The following SLIT3 variants were observed in gnomAD, a reference collection of about 807,000 sequenced individuals.
SLIT3 encodes slit homolog 3 protein.
Under a neutral mutation model 184.0 loss-of-function variants are expected in SLIT3, and 68 were observed. The observed-to-expected ratio is 0.37, with a 90% confidence interval of 0.30 to 0.45. SLIT3 has a LOEUF of 0.45. SLIT3 is among the 20% of genes least tolerant of loss of function. The pLI is 1.00. For synonymous variants in SLIT3, 831 were observed against 828.6 expected, an observed-to-expected ratio of 1.00 and a Z score of -0.05; for missense variants, 1,707 against 2,026.0, an observed-to-expected ratio of 0.84 and a Z score of 3.02.
At chr5:168,871,032 A>G (rs562216509) in intron 5 of SLIT3, among the ~76,000 whole-genome samples, 2 of 152,188 alleles carry the variant, frequency 1.3e-5, no homozygotes, top group Non-Finnish European at 2.9e-5. Context: ...AGAATGCTGG[A>G]GGTCAGAAGT....
intron 9 of SLIT3, among the ~76,000 whole-genome samples, chr5:168,798,223 CTTT>C (rs747746239): frequency 1.8e-5 from 2 of 109,056 alleles, no homozygotes; most frequent in Non-Finnish European, 1.7e-5. Flanking sequence ...TCTTCTTCTT[CTTT>C]TTTTTTTTTT....
chr5:168,916,691 T>C (rs948249262), intron 4 of SLIT3, among the ~76,000 whole-genome samples: 1 of 152,230 alleles, frequency 6.6e-6, no homozygotes, highest in Admixed American at 6.5e-5. Flanking sequence ...CCTTTCAAGA[T>C]AAAAACACTA....
intron 4 of SLIT3, among the ~76,000 whole-genome samples, chr5:169,010,252 C>A (rs60010932): frequency 6.6e-6 from 1 of 152,260 alleles, no homozygotes; most frequent in African/African-American, 2.4e-5. Flanking sequence ...GAGTTGCTAG[C>A]CCTAACAATG....
chr5:168,863,044 A>T (rs2113752101), intron 5 of SLIT3, among the ~76,000 whole-genome samples: 1 of 152,308 alleles, frequency 6.6e-6, no homozygotes, highest in African/African-American at 2.4e-5. Context: ...GCAGACGGAG[A>T]CGAATGCCAT....
intron 4 of SLIT3, among the ~76,000 whole-genome samples, chr5:169,091,957 C>T (rs933175856): frequency 1.3e-4 from 20 of 152,126 alleles, no homozygotes; most frequent in Admixed American, 1.0e-3. Flanking sequence ...TGCGGTGGCT[C>T]GTGCCTGTAA....
intron 2 of SLIT3, among the ~76,000 whole-genome samples, chr5:169,248,673 C>A (rs759898968): frequency 2.0e-5 from 3 of 152,160 alleles, no homozygotes; most frequent in Non-Finnish European, 4.4e-5. Context: ...AAATCGCCCC[C>A]CATGTGATGA....
intron 1 of SLIT3, among the ~76,000 whole-genome samples, chr5:169,293,202 A>G (rs116202444): frequency 0.016 from 2,367 of 152,326 alleles, 35 homozygotes; most frequent in East Asian, 0.069. Context: ...AAAAGATTAT[A>G]CATGCTCTGG....
At chr5:169,281,834 T>C (rs976337697) in intron 1 of SLIT3, among the ~76,000 whole-genome samples, 4 of 151,758 alleles carry the variant, frequency 2.6e-5, no homozygotes, top group African/African-American at 9.7e-5. Context: ...CATACTTCAT[T>C]GACATTGGGC....
intron 1 of SLIT3, among the ~76,000 whole-genome samples, chr5:169,290,051 C>T (rs73805065): frequency 0.018 from 2,577 of 143,684 alleles, 68 homozygotes; most frequent in African/African-American, 0.059. Context: ...GGGCATACGC[C>T]AGGGCACACA....
chr5:168,671,408 A>T lies in SLIT3; in HGVS notation c.3917T>A (p.Ile1306Asn). 6.2e-7 allele frequency: 1 copy of T among 1,614,010 alleles called. No homozygotes were observed. Among genetic ancestry groups the T allele is most frequent in the Non-Finnish European group, 8.5e-7 (1 of 1,179,982 alleles). ...CTCGTTGTTGATGCGCACCTCATGGATGCATCCGTGGAAGCCGCCTAGAGG... is the reference window on the plus strand; with the variant it reads ...CTCGTTGTTGATGCGCACCTCATGGTTGCATCCGTGGAAGCCGCCTAGAGG... ...DRPLGGFHGC[I>N]HEVRINNELQ... The change falls in exon 34 of 36, where the codon ATC becomes AAC. Residue 1306 changes from isoleucine to asparagine, a missense_variant. Around this residue, in one of 3 missense-constraint regions of SLIT3, gnomAD observed 387 missense variants for 477.9 expected, o/e 0.81. Coordinates refer to ENST00000519560, the MANE Select transcript of SLIT3 (RefSeq NM_003062.4).
intron 4 of SLIT3, among the ~76,000 whole-genome samples, chr5:169,109,800 T>G (rs944879068): frequency 6.6e-6 from 1 of 152,180 alleles, no homozygotes; most frequent in African/African-American, 2.4e-5. Flanking sequence ...GTTTCCATAT[T>G]GACTTCACTC....
At chr5:169,225,159 G>A (rs1764761618) in intron 3 of SLIT3, among the ~76,000 whole-genome samples, 2 of 152,188 alleles carry the variant, frequency 1.3e-5, no homozygotes, top group Non-Finnish European at 1.5e-5. Context: ...AGTCTTGTAT[G>A]ACAACCAGGG....
chr5:169,205,798 C>G (rs1404217803), intron 3 of SLIT3, among the ~76,000 whole-genome samples: 1 of 152,228 alleles, frequency 6.6e-6, no homozygotes, highest in Non-Finnish European at 1.5e-5. Flanking sequence ...TAGGCACCTT[C>G]CAGAGTATCG....
At chr5:168,796,729 C>T (rs1157767494) in intron 9 of SLIT3, among the ~76,000 whole-genome samples, 1 of 152,150 alleles carries the variant, frequency 6.6e-6, no homozygotes, top group East Asian at 1.9e-4. Context: ...GTGGGGGAGA[C>T]AGTCGTATTA....
chr5:169,137,335 C>CACACACAGAGAGAGAGAGAG (rs368371904), intron 4 of SLIT3, among the ~76,000 whole-genome samples: 1 of 138,554 alleles, frequency 7.2e-6, no homozygotes, highest in South Asian at 2.5e-4. Flanking sequence ...CACACACACA[C>CACACACAGAGAGAGAGAGAG]AGAGAGAGAG....
chr5:168,866,617 A>G (rs2113758379), intron 5 of SLIT3, among the ~76,000 whole-genome samples: 1 of 152,268 alleles, frequency 6.6e-6, no homozygotes, highest in South Asian at 2.1e-4. Context: ...CTTCACTCTC[A>G]TTTTAATTTT....
rs148453078 is a variant in SLIT3 at position 168,883,311 on chromosome 5, C to T, written c.439G>A (p.Gly147Arg). The T allele has an allele frequency of 4.9e-5, 79 of 1,613,942 alleles. No homozygotes were observed. Among genetic ancestry groups the T allele is most frequent in the Non-Finnish European group, 6.5e-5 (77 of 1,179,944 alleles). Residue 147 changes from glycine (G) to arginine (R), a missense_variant, in exon 5 of 36, where the codon GGG becomes AGG. Around this residue, in one of 3 missense-constraint regions of SLIT3, gnomAD observed 1,307 missense variants for 1,511.6 expected, o/e 0.86. Coordinates refer to ENST00000519560, the MANE Select transcript of SLIT3 (RefSeq NM_003062.4). ...RLDLSENQIQ[G>R]IPRKAFRGIT... ...CCGCGGAACGCCTTCCTCGGGATCC[C>T]CTGGATCTGGTTTTCACTCAAATCT...
chr5:168,726,758 A>G (rs1237269305), intron 20 of SLIT3, among the ~76,000 whole-genome samples: 3 of 151,936 alleles, frequency 2.0e-5, no homozygotes, highest in Non-Finnish European at 4.4e-5. Flanking sequence ...GGATCATTTG[A>G]GGTCAGGAGT....
At position 168,683,847 on chromosome 5, in the gene SLIT3, G is replaced by C. The variant is rs1761664879; in HGVS notation, c.3686+119C>G. The C allele has an allele frequency of 1.1e-5, 10 of 915,946 alleles. No homozygotes were observed. In the South Asian group the frequency reaches 2.9e-4, roughly 27 times the overall value. 56.7% of individuals were successfully genotyped at this position (915,946 alleles called of 1,614,324 possible). A position where few individuals can be genotyped will look rare whatever the true frequency, so the allele number is the denominator to read the frequency against. On this transcript the variant is annotated intron_variant, in intron 32 of 35. Coordinates refer to ENST00000519560, the MANE Select transcript of SLIT3 (RefSeq NM_003062.4). ...AGTGTGTGTGTGCGCACATGTGCGT[G>C]GTAGGGGCGGGGAGAAGGGACACCC... is the stretch of plus-strand genomic sequence containing the variant.
Sources: allele counts gnomAD v4.1 joint callset (sites outside exome capture counted in the v4.1 genomes callset), GRCh38; gene constraint gnomAD v4.1.1; regional missense constraint gnomAD v4.1.1; transcripts MANE v1.5; gene names NCBI Gene and HGNC (gene_info 2026-07-23, HGNC 2026-07-21).